Variants in TRPV1 observed in about 807,000 individuals in gnomAD.
The protein encoded by TRPV1 is transient receptor potential cation channel subfamily V member 1, also known as OTRPC1.
TRPV1 carries 82 observed loss-of-function variants against 82.3 expected under a neutral mutation model. The observed-to-expected ratio is 1.00, with a 90% confidence interval of 0.83 to 1.20. The LOEUF (loss-of-function observed/expected upper bound fraction) is 1.20. TRPV1 is among the 50% of genes most tolerant of loss of function. The probability of loss-of-function intolerance (pLI) is 0.00; values close to 1 mark genes in which losing one functional copy is unlikely to be tolerated. For synonymous variants in TRPV1, 515 were observed against 467.7 expected (o/e 1.10, Z -1.30); for missense variants, 1,067 against 1,096.8 (o/e 0.97, Z 0.38).
At chr17:3,577,338 A>G in intron 12 of TRPV1, 146 bp from the exon 13 acceptor site, 1 of 932,158 alleles carries the variant, frequency 1.1e-6, no homozygotes. Context: ...GTCATGAGGG[A>G]GTCACCCACC....
At chr17:3,576,676 T>TATATAG (rs2074935494) in intron 13 of TRPV1, among the ~76,000 whole-genome samples, 1 of 55,212 alleles carries the variant, frequency 1.8e-5, no homozygotes, top group Admixed American at 2.2e-4. Context: ...AAAATATATA[T>TATATAG]ATATATATAT....
At chr17:3,588,437 C>T (rs1300014205) in intron 7 of TRPV1, 70 bp from the exon 8 acceptor site, 9 of 1,499,624 alleles carry the variant, frequency 6.0e-6, no homozygotes, top group Non-Finnish European at 7.2e-6. Context: ...CCTCAACAAC[C>T]AGCTCTGCTT....
At chr17:3,578,677 G>A (rs971197721) in intron 11 of TRPV1, 2 of 152,154 alleles carry the variant, frequency 1.3e-5, no homozygotes, top group Non-Finnish European at 2.9e-5. Flanking sequence ...TCAAGATTAG[G>A]GGGAAAACAG....
intron 11 of TRPV1, among the ~76,000 whole-genome samples, chr17:3,579,456 T>C (rs1349094102): frequency 6.6e-6 from 1 of 151,716 alleles, no homozygotes; most frequent in African/African-American, 2.4e-5. Context: ...AGGAAGGAGG[T>C]TTCCTGCCAC....
At chr17:3,598,442 T>C (rs889388005) in intron 2 of TRPV1, among the ~76,000 whole-genome samples, 1 of 152,044 alleles carries the variant, frequency 6.6e-6, no homozygotes, top group African/African-American at 2.4e-5. Context: ...GTGAGAAATG[T>C]GTGACGCTGG....
At position 3,566,775 on chromosome 17, in the gene TRPV1, C is replaced by T. The variant is rs1163889540; in HGVS notation, c.*40G>A. On this transcript the variant is annotated 3_prime_UTR_variant, in exon 17 of 17. Coordinates refer to ENST00000572705, the MANE Select transcript of TRPV1 (RefSeq NM_080704.4). ...GCAGCCCCCCGTGGCAACGGGGTCT[C>T]CTAAGGCCCAGTGTTGACAGTGCTG... The T allele has an allele frequency of 6.2e-7, 1 of 1,603,390 alleles. No homozygotes were observed. Among genetic ancestry groups the T allele is most frequent in the South Asian group, 1.1e-5 (1 of 89,716 alleles).
intron 16 of TRPV1, among the ~76,000 whole-genome samples, chr17:3,567,389 A>AG (rs1567654847): frequency 6.7e-6 from 1 of 149,400 alleles, no homozygotes; most frequent in Non-Finnish European, 1.5e-5. Flanking sequence ...AAAAAAAAAA[A>AG]AAGAAGAAGA....
intron 2 of TRPV1, chr17:3,592,750 C>T: frequency 5.3e-6 from 1 of 189,722 alleles, no homozygotes; most frequent in East Asian, 1.4e-4. Flanking sequence ...GCCTCCCTCC[C>T]CACACAGAAC....
rs201906705 is a variant in TRPV1 at position 3,565,701 on chromosome 17, G to C, written c.*1114C>G. 6.6e-6 allele frequency: 1 copy of C among 152,240 alleles called. No individual in the cohort carries two copies. The highest frequency in any genetic ancestry group is 1.5e-5 in the Non-Finnish European group (1 of 68,094). 9.4% of individuals were successfully genotyped at this position (152,240 alleles called of 1,614,324 possible). A position where few individuals can be genotyped will look rare whatever the true frequency, so the allele number is the denominator to read the frequency against. On this transcript the variant is annotated 3_prime_UTR_variant, in exon 17 of 17. Transcript: ENST00000572705. ...GCTTGATTCTGCCAGAGCTGGGAGT[G>C]GGACAGCCTCCCCCATCTTCTCCAG...
At position 3,585,899 on chromosome 17, in the gene TRPV1, G is replaced by C; in HGVS notation, c.1252C>G (p.Pro418Ala). ...PNRHDMLLVEPLNRLLQDKWD... is the reference protein window; with the variant it reads ...PNRHDMLLVEALNRLLQDKWD... ...TTGTCCTGCAGGAGTCGGTTCAGCG[G>C]CTCCACCAAGAGCATGTCGTGGCGA... is the stretch of plus-strand genomic sequence containing the variant. The change falls in exon 9 of 17, where the codon CCG becomes GCG. Residue 418 changes from proline to alanine, a missense_variant. Physicochemically the swap from Pro to Ala is conservative, Grantham distance 27. Transcript: ENST00000572705. 1 of 1,613,898 alleles carries C rather than the reference G, an allele frequency of 6.2e-7. No homozygotes were observed. The highest frequency in any genetic ancestry group is 1.7e-5 in the Admixed American group (1 of 60,014).
intron 2 of TRPV1, among the ~76,000 whole-genome samples, chr17:3,594,951 G>A (rs1167146688): frequency 6.6e-6 from 1 of 152,184 alleles, no homozygotes; most frequent in South Asian, 2.1e-4. Flanking sequence ...GAAGACAGGA[G>A]GCCGGGTTAG....
chr17:3,593,367 G>A (rs548641735), intron 2 of TRPV1, among the ~76,000 whole-genome samples: 35 of 152,224 alleles, frequency 2.3e-4, no homozygotes, highest in African/African-American at 7.7e-4. Flanking sequence ...TAAACACCTA[G>A]AGATCAGCTG....
chr17:3,567,642 G>A (rs535881021), intron 16 of TRPV1, among the ~76,000 whole-genome samples: 1 of 152,026 alleles, frequency 6.6e-6, no homozygotes, highest in East Asian at 1.9e-4. Flanking sequence ...TCTCCACAGA[G>A]CAACGCCGAG....
rs1312463702 is a variant in TRPV1, at chr17:3,608,486, G to A, written c.-93C>T. 3.9e-5 allele frequency: 6 copies of A among 152,120 alleles called. 1 individual carries two copies. The highest frequency in any genetic ancestry group is 1.3e-4 in the Admixed American group (2 of 15,252). The allele number at this position is 152,120 out of a possible 1,614,324, so 9.4% of individuals were successfully genotyped here. ...TCTGACGACTAAGTGACTGACCGGC[G>A]GGGAGCATCTACGGCCTGGACGTGG... On this transcript the variant is annotated 5_prime_UTR_variant, in exon 2 of 17. Coordinates refer to ENST00000572705, the MANE Select transcript of TRPV1 (RefSeq NM_080704.4).
At chr17:3,572,292 G>T (rs877612) in intron 14 of TRPV1, 43 bp from the exon 15 acceptor site, 80,689 of 1,568,070 alleles carry the variant, frequency 0.051, 2,649 homozygotes, top group African/African-American at 0.16. Context: ...GGGGCAGAGG[G>T]TGCATCCCGG....
In TRPV1 at chr17:3,605,821, C is replaced by T. The variant is rs147971183; in HGVS notation, c.-34+2606G>A. Among the ~76,000 whole-genome samples, 144 of 152,240 alleles carry T rather than the reference C, an allele frequency of 9.5e-4. 4 individuals are homozygous for T. In the East Asian group the frequency reaches 0.023, roughly 24 times the overall value. Reference sequence around the variant, plus strand: ...GAGAGAACACCCAGCTACTACTGGGCGCTCAGAAAATGTGGCTGCCTGGGT... The same window carrying T: ...GAGAGAACACCCAGCTACTACTGGGTGCTCAGAAAATGTGGCTGCCTGGGT... On this transcript the variant is annotated intron_variant, in intron 2 of 16. Coordinates refer to ENST00000572705, the MANE Select transcript of TRPV1 (RefSeq NM_080704.4).
At chr17:3,569,059 T>G (rs367899145) in intron 16 of TRPV1, among the ~76,000 whole-genome samples, 2 of 151,866 alleles carry the variant, frequency 1.3e-5, no homozygotes, top group African/African-American at 2.4e-5. Context: ...TAGGTGGGAA[T>G]TGAACAATGA....
intron 16 of TRPV1, 25 bp from the exon 17 acceptor site, chr17:3,567,012 T>A: frequency 1.2e-6 from 2 of 1,609,830 alleles, no homozygotes; most frequent in Non-Finnish European, 1.7e-6. Flanking sequence ...TATTACTACC[T>A]TGGATGCAAC....
In TRPV1 at chr17:3,570,197, G is replaced by A. The variant is rs1051831621; in HGVS notation, c.2347+1327C>T. On this transcript the variant is annotated intron_variant, in intron 16 of 16. Transcript: ENST00000572705. ...AACCTGGCCAACATGGTGAAAACCC[G>A]TTTCTACTATAAAAATACAAAAATG... is the stretch of plus-strand genomic sequence containing the variant. 2.6e-5 allele frequency among the ~76,000 whole-genome samples: 4 copies of A among 151,966 alleles called. No homozygotes were observed. The East Asian group carries it at 5.8e-4, about 22-fold the overall frequency.
Sources: allele counts gnomAD v4.1 joint callset (sites outside exome capture counted in the v4.1 genomes callset), GRCh38; gene constraint gnomAD v4.1.1; transcripts MANE v1.5; gene names NCBI Gene and HGNC (gene_info 2026-07-23, HGNC 2026-07-21).